Variants in CLVS1 observed in about 807,000 individuals in gnomAD.
CLVS1 encodes clavesin-1.
In CLVS1, 10 loss-of-function variants were observed where a neutral mutation model predicts 33.1. The ratio of observed to expected loss-of-function variants is 0.30; its 90% CI spans 0.19 to 0.51. The LOEUF is 0.51. Ranked by LOEUF, CLVS1 falls within the 20% of genes least tolerant of loss-of-function variation. CLVS1 has a pLI of 0.97. For synonymous variants in CLVS1, 163 were observed against 166.1 expected, an observed-to-expected ratio of 0.98 and a Z score of 0.14; for missense variants, 343 against 433.4, an observed-to-expected ratio of 0.79 and a Z score of 1.85.
chr8:61,324,531 TG>T (rs1366106121), intron 2 of CLVS1, among the ~76,000 whole-genome samples: 1 of 151,960 alleles, frequency 6.6e-6, no homozygotes. Flanking sequence ...AGGAGTGGGG[TG>T]GTTCTAAAAA....
Position 61,161,313 on chromosome 8 carries a change from G to A in CLVS1, c.-152+29453G>A, listed in dbSNP as rs2129350. Among the ~76,000 whole-genome samples, 462 of 152,212 alleles carry A rather than the reference G, an allele frequency of 3.0e-3. 6 individuals carry two copies. The highest frequency in any genetic ancestry group is 0.024 in the Admixed American group (366 of 15,298). On this transcript the variant is annotated intron_variant, in intron 2 of 2. Transcript: ENST00000522621. ...CATATAACTCAACAATTTTACTTCT[G>A]GCTATATCCCAAAAAAATTGAAATC...
intron 2 of CLVS1, among the ~76,000 whole-genome samples, chr8:61,185,365 G>T (rs115991882): frequency 0.026 from 3,905 of 150,804 alleles, 162 homozygotes; most frequent in African/African-American, 0.089. Flanking sequence ...TGTTGCCCAG[G>T]CTGGTCTTCA....
At chr8:61,035,025 C>T in the CLVS1 span, among the ~76,000 whole-genome samples, 1 of 152,152 alleles carries the variant, frequency 6.6e-6, no homozygotes, top group Non-Finnish European at 1.5e-5. Flanking sequence ...GAGTATATTA[C>T]TTGAATATCT....
At chr8:60,979,228 G>A in the CLVS1 span, among the ~76,000 whole-genome samples, 2 of 152,168 alleles carry the variant, frequency 1.3e-5, no homozygotes, top group African/African-American at 4.8e-5. Flanking sequence ...TGTTGAACTA[G>A]ACAGTCTCAA....
intron 2 of CLVS1, among the ~76,000 whole-genome samples, chr8:61,156,073 G>A (rs1266564452): frequency 6.6e-6 from 1 of 152,086 alleles, no homozygotes; most frequent in Non-Finnish European, 1.5e-5. Flanking sequence ...AATTAGCTGG[G>A]CGTGGTGGTG....
At chr8:61,148,416 C>T (rs1042937075) in intron 2 of CLVS1, among the ~76,000 whole-genome samples, 6 of 152,168 alleles carry the variant, frequency 3.9e-5, no homozygotes, top group Non-Finnish European at 7.4e-5. Context: ...AACAGGTGGC[C>T]AGATGGCCTC....
At chr8:61,006,101 C>T in the CLVS1 span, among the ~76,000 whole-genome samples, 5 of 152,246 alleles carry the variant, frequency 3.3e-5, no homozygotes, top group East Asian at 1.9e-4. Flanking sequence ...AAATAAATAG[C>T]GCCTCTTCTC....
intron 5 of CLVS1, among the ~76,000 whole-genome samples, chr8:61,471,912 C>T (rs529006946): frequency 6.6e-6 from 1 of 152,340 alleles, no homozygotes; most frequent in South Asian, 2.1e-4. Context: ...CAAAGCCTTC[C>T]CCTGGCCTCC....
chr8:61,176,733 C>T (rs199504491), intron 2 of CLVS1, among the ~76,000 whole-genome samples: 5 of 152,072 alleles, frequency 3.3e-5, no homozygotes, highest in African/African-American at 4.8e-5. Flanking sequence ...CCACATGAGG[C>T]GGGGGAGCCC....
chr8:61,016,752 C>T, the CLVS1 span, among the ~76,000 whole-genome samples: 15 of 152,200 alleles, frequency 9.9e-5, no homozygotes, highest in South Asian at 4.2e-4. Flanking sequence ...AGCAGTTTTC[C>T]GAGACTCCCC....
the CLVS1 span, among the ~76,000 whole-genome samples, chr8:61,031,871 CG>C: frequency 1.3e-5 from 2 of 150,892 alleles, no homozygotes; most frequent in Admixed American, 1.3e-4. Flanking sequence ...AAAAATGGGG[CG>C]GGGTGGGGGA....
the CLVS1 span, among the ~76,000 whole-genome samples, chr8:60,982,049 C>T: frequency 5.3e-5 from 8 of 152,300 alleles, no homozygotes; most frequent in Non-Finnish European, 1.0e-4. Flanking sequence ...GCAAACTCCG[C>T]CAGCCTGCTC....
chr8:61,455,857 C>G (rs1462200825), intron 4 of CLVS1, among the ~76,000 whole-genome samples: 1 of 152,194 alleles, frequency 6.6e-6, no homozygotes, highest in Non-Finnish European at 1.5e-5. Context: ...ACTCCTAGAT[C>G]TCAGATGCTT....
chr8:61,114,799 T>C (rs1447795450), intron 1 of CLVS1, among the ~76,000 whole-genome samples: 3 of 152,362 alleles, frequency 2.0e-5, no homozygotes, highest in East Asian at 3.9e-4. Context: ...TTTGTTTCTA[T>C]ACTTACATTC....
At chr8:61,123,421 C>T (rs1197995131) in intron 1 of CLVS1, among the ~76,000 whole-genome samples, 1 of 151,992 alleles carries the variant, frequency 6.6e-6, no homozygotes, top group East Asian at 1.9e-4. Flanking sequence ...ATTTTATGAC[C>T]TGGGGAAAAA....
chr8:61,184,472 A>C (rs566335882), intron 2 of CLVS1, among the ~76,000 whole-genome samples: 92 of 152,330 alleles, frequency 6.0e-4, no homozygotes, highest in African/African-American at 2.1e-3. Flanking sequence ...CTGAAATGGC[A>C]CAGAAGCAAA....
intron 1 of CLVS1, among the ~76,000 whole-genome samples, chr8:61,111,811 C>A (rs987928446): frequency 3.3e-5 from 5 of 152,066 alleles, no homozygotes; most frequent in African/African-American, 1.2e-4. Flanking sequence ...AAAAGTTCAT[C>A]ATTTTTATAG....
At position 61,299,270 on chromosome 8, in the gene CLVS1, T is replaced by A. The variant is rs576571089; in HGVS notation, c.-151-407T>A. Among the ~76,000 whole-genome samples the A allele has an allele frequency of 1.2e-4, 18 of 152,224 alleles. No homozygotes were observed. The East Asian group carries it at 3.5e-3, about 29-fold the overall frequency. On this transcript the variant is annotated intron_variant, in intron 1 of 5. Coordinates refer to ENST00000325897, the MANE Select transcript of CLVS1 (RefSeq NM_173519.3). Reference sequence around the variant, plus strand: ...AAAAGAGGCCAATGGGAAGCAAAATTTTACCATAGCTATAATTTCTCTGCC... The same window carrying A: ...AAAAGAGGCCAATGGGAAGCAAAATATTACCATAGCTATAATTTCTCTGCC...
At chr8:61,131,023 G>C (rs1040841632) in intron 1 of CLVS1, among the ~76,000 whole-genome samples, 1 of 152,108 alleles carries the variant, frequency 6.6e-6, no homozygotes, top group Non-Finnish European at 1.5e-5. Context: ...TTTCTACTTC[G>C]AGGTTATTTT....
Sources: allele counts gnomAD v4.1 joint callset (sites outside exome capture counted in the v4.1 genomes callset), GRCh38; gene constraint gnomAD v4.1.1; transcripts MANE v1.5; gene names NCBI Gene and HGNC (gene_info 2026-07-23, HGNC 2026-07-21).